ACOX3: variants seen among roughly 807,000 people sequenced by gnomAD.
ACOX3 encodes the protein acyl-CoA oxidase 3, pristanoyl.
A neutral mutation model predicts 81.5 loss-of-function variants in ACOX3; 73 were observed. That is an observed-to-expected ratio of 0.90 (90% CI 0.74 to 1.09). ACOX3 has a LOEUF of 1.09. Ranked by LOEUF, ACOX3 falls within the 50% of genes least tolerant of loss-of-function variation. The probability of loss-of-function intolerance (pLI) is 0.00; values close to 1 mark genes in which losing one functional copy is unlikely to be tolerated. For synonymous variants in ACOX3, 387 were observed against 375.1 expected, an observed-to-expected ratio of 1.03 and a Z score of -0.37; for missense variants, 947 against 928.0, an observed-to-expected ratio of 1.02 and a Z score of -0.27.
chr4:8,369,734 G>A (rs1715920130), intron 17 of ACOX3, among the ~76,000 whole-genome samples: 1 of 152,244 alleles, frequency 6.6e-6, no homozygotes, highest in African/African-American at 2.4e-5. Context: ...CATTCCCTGA[G>A]GACTGAGGGA....
downstream of ACOX3, among the ~76,000 whole-genome samples, chr4:8,363,433 G>C (rs986428063): frequency 2.9e-4 from 44 of 152,164 alleles, 1 homozygote; most frequent in Non-Finnish European, 4.4e-5. Flanking sequence ...CTTTCTGGCT[G>C]AGCTCTTCTC....
At chr4:8,409,963 G>T (rs79301683) in intron 6 of ACOX3, among the ~76,000 whole-genome samples, 1,599 of 151,750 alleles carry the variant, frequency 0.011, 33 homozygotes, top group African/African-American at 0.037. Flanking sequence ...CTGTGGGCAG[G>T]GTTGTGGGAT....
chr4:8,401,996 C>T (rs1023601919), intron 7 of ACOX3, among the ~76,000 whole-genome samples: 1 of 152,228 alleles, frequency 6.6e-6, no homozygotes, highest in African/African-American at 2.4e-5. Context: ...GGCTCACCCC[C>T]CTCCATGAGG....
At chr4:8,429,473 G>A (rs188333778) in intron 1 of ACOX3, among the ~76,000 whole-genome samples, 21 of 152,338 alleles carry the variant, frequency 1.4e-4, no homozygotes, top group Admixed American at 1.3e-3. Context: ...GGGGCTTTGG[G>A]CGTTATCAAT....
rs1172510071 is a variant in ACOX3, at chr4:8,368,233, G to A, written c.1984-1153C>T. On this transcript the variant is annotated intron_variant, in intron 17 of 17. Coordinates refer to ENST00000356406, the MANE Select transcript of ACOX3 (RefSeq NM_003501.3). The surrounding 1 kb of genome is among the most constrained non-coding windows in gnomAD (Gnocchi z 5.9). ...CACCCTGCTCCTCTGGTCCTGCCCC[G>A]GGCCAGCACTCCCCTACGGGAGGTG... 2.0e-5 allele frequency among the ~76,000 whole-genome samples: 3 copies of A among 152,206 alleles called. No individual in the cohort carries two copies. Among genetic ancestry groups the A allele is most frequent in the East Asian group, 1.9e-4 (1 of 5,192 alleles).
At chr4:8,402,158 G>A (rs1272314063) in intron 7 of ACOX3, among the ~76,000 whole-genome samples, 1 of 152,252 alleles carries the variant, frequency 6.6e-6, no homozygotes, top group East Asian at 1.9e-4. Flanking sequence ...AAGACACAGC[G>A]ACAGTTTCCA....
intron 6 of ACOX3, among the ~76,000 whole-genome samples, chr4:8,409,097 C>T (rs1721391190): frequency 6.6e-6 from 1 of 152,178 alleles, no homozygotes; most frequent in Non-Finnish European, 1.5e-5. Context: ...TGTCCTGTAA[C>T]CTTACAATGA....
At chr4:8,356,044 ACTC>A in the ACOX3 span, 1 of 185,226 alleles carries the variant, frequency 5.4e-6, no homozygotes, top group South Asian at 1.2e-4. Context: ...TGCTGGCAAG[ACTC>A]CTACATTCTA....
intron 11 of ACOX3, among the ~76,000 whole-genome samples, chr4:8,390,737 C>A (rs1163189813): frequency 2.0e-5 from 3 of 152,174 alleles, no homozygotes; most frequent in African/African-American, 7.2e-5. Flanking sequence ...TGACTTCTCA[C>A]ACTCACGTAC....
chr4:8,424,674 A>T (rs1345576568), intron 1 of ACOX3, among the ~76,000 whole-genome samples: 2 of 152,254 alleles, frequency 1.3e-5, no homozygotes, highest in African/African-American at 4.8e-5. Context: ...TTGAAGGGCC[A>T]GTGCTGCGAC....
At position 8,371,972 on chromosome 4, in the gene ACOX3, T is replaced by C. The variant is rs536380244; in HGVS notation, c.1897-978A>G. 8.5e-5 allele frequency among the ~76,000 whole-genome samples: 13 copies of C among 152,348 alleles called. No homozygotes were observed. The East Asian group carries it at 2.5e-3, about 29-fold the overall frequency. On this transcript the variant is annotated intron_variant, in intron 16 of 17. Coordinates refer to ENST00000356406, the MANE Select transcript of ACOX3 (RefSeq NM_003501.3). ...ACTGAGTTTGCTGGCCCTGGTCTAG[T>C]GGATGGCTGGCAACTTCTCCACCTG...
Position 8,389,330 on chromosome 4 carries a change from A to G in ACOX3, c.1424-44T>C. The G allele has an allele frequency of 6.4e-7, 1 of 1,569,040 alleles. No homozygotes were observed. The highest frequency in any genetic ancestry group is 8.7e-7 in the Non-Finnish European group (1 of 1,148,666). ...TGACTTTGGTGGAAGACAGGAACCC[A>G]AACCATTGGGAACCCCAAGCTGGGG... On this transcript the variant is annotated intron_variant, in intron 12 of 17. Coordinates refer to ENST00000356406, the MANE Select transcript of ACOX3 (RefSeq NM_003501.3). The surrounding 1 kb of genome is among the most constrained non-coding windows in gnomAD (Gnocchi z 5.3).
intron 1 of ACOX3, among the ~76,000 whole-genome samples, chr4:8,424,716 A>G (rs1723285879): frequency 6.6e-6 from 1 of 152,244 alleles, no homozygotes; most frequent in South Asian, 2.1e-4. Context: ...ATCCAGCCAC[A>G]TTTCTTCCAG....
rs1724316725 is a variant in ACOX3, at chr4:8,437,373, G to C, written c.-15+3275C>G. On this transcript the variant is annotated intron_variant, in intron 1 of 17. Transcript: ENST00000356406. This position sits in a 1 kb window ranked among gnomAD's most constrained non-coding sequence, Gnocchi z 5.2. ...CTATCTAGAAAAAAAGAGGAGGCTAGAGACCGGTGCCAAGAGAAGAGCAAA... is the reference window on the plus strand; with the variant it reads ...CTATCTAGAAAAAAAGAGGAGGCTACAGACCGGTGCCAAGAGAAGAGCAAA... Among the ~76,000 whole-genome samples, 1 of 152,046 alleles carries C rather than the reference G, an allele frequency of 6.6e-6. No homozygotes were observed. Among genetic ancestry groups the C allele is most frequent in the Non-Finnish European group, 1.5e-5 (1 of 68,036 alleles).
intron 16 of ACOX3, 31 bp downstream of exon 16, chr4:8,373,530 T>G: frequency 6.2e-7 from 1 of 1,611,290 alleles, no homozygotes. Flanking sequence ...GTAACATGGA[T>G]GTAGAGAACG....
In ACOX3 at chr4:8,410,431, A is replaced by G. The variant is rs1204795063; in HGVS notation, c.544-76T>C. The G allele has an allele frequency of 5.2e-6, 8 of 1,543,746 alleles. No homozygotes were observed. In the East Asian group the frequency reaches 1.8e-4, roughly 35 times the overall value. ...CAGAATTGGTGTTTTCCTTTTAGAC[A>G]GATTCCATTTTCTACGTTCAAAATC... is the stretch of plus-strand genomic sequence containing the variant. On this transcript the variant is annotated intron_variant, in intron 5 of 17. Transcript: ENST00000356406.
In ACOX3 at chr4:8,394,645, G is replaced by T. The variant is rs748529024; in HGVS notation, c.1154C>A (p.Ala385Glu). The change falls in exon 10 of 18, where the codon GCA becomes GAA. Residue 385 changes from alanine (A) to glutamate (E), a missense_variant. Physicochemically the swap from Ala to Glu is moderately radical, Grantham distance 107 (BLOSUM62 -1). Coordinates refer to ENST00000356406, the MANE Select transcript of ACOX3 (RefSeq NM_003501.3). The surrounding 1 kb of genome is among the most constrained non-coding windows in gnomAD (Gnocchi z 5.9). ...CTGTCTGGCGCTGCGGTCTCCCGATGCAAGTCCTCGCTGGAGCTCCACCAG... is the reference window on the plus strand; with the variant it reads ...CTGTCTGGCGCTGCGGTCTCCCGATTCAAGTCCTCGCTGGAGCTCCACCAG... ...LDLVELQRGL[A>E]SGDRSARQAE... 1 of 1,613,806 alleles carries T rather than the reference G, an allele frequency of 6.2e-7. No individual in the cohort carries two copies. Among genetic ancestry groups the T allele is most frequent in the South Asian group, 1.1e-5 (1 of 91,088 alleles).
chr4:8,435,517 G>A (rs1278325511), intron 1 of ACOX3, among the ~76,000 whole-genome samples: 1 of 151,472 alleles, frequency 6.6e-6, no homozygotes, highest in Admixed American at 6.6e-5. Flanking sequence ...AAAAAAAAAA[G>A]AATTGCCCTC....
chr4:8,369,227 T>A (rs970548529), intron 17 of ACOX3, among the ~76,000 whole-genome samples: 1 of 151,962 alleles, frequency 6.6e-6, no homozygotes, highest in African/African-American at 2.4e-5. Flanking sequence ...CCATGGCGGG[T>A]CTGGCTCCAG....
Sources: allele counts gnomAD v4.1 joint callset (sites outside exome capture counted in the v4.1 genomes callset), GRCh38; gene constraint gnomAD v4.1.1; non-coding constraint Gnocchi (gnomAD v3.1); transcripts MANE v1.5; gene names NCBI Gene and HGNC (gene_info 2026-07-23, HGNC 2026-07-21).